Variants in LRP4 observed in about 807,000 individuals in gnomAD.
LRP4 encodes the protein LDL receptor related protein 4, also known as low-density lipoprotein receptor-related protein 4.
Under a neutral mutation model 220.3 loss-of-function variants are expected in LRP4, and 95 were observed. That is an observed-to-expected ratio of 0.43 (90% CI 0.37 to 0.51). LRP4 has a LOEUF of 0.51. Among genes scored for constraint, LRP4 ranks in the 20% least tolerant of loss-of-function variants. The pLI, the probability that LRP4 is intolerant of heterozygous loss-of-function variation, is 0.00. For synonymous variants in LRP4, 903 were observed against 954.6 expected, an observed-to-expected ratio of 0.95 and a Z score of 1.00; for missense variants, 1,925 against 2,567.0, an observed-to-expected ratio of 0.75 and a Z score of 5.40.
chr11:46,917,897 C>G (rs1238735360), intron 1 of LRP4, among the ~76,000 whole-genome samples: 5 of 152,174 alleles, frequency 3.3e-5, no homozygotes, highest in Admixed American at 2.0e-4. Context: ...AGCCCCCAGC[C>G]CCAGGAAGGA....
chr11:46,871,257 A>G lies in LRP4; in HGVS notation c.4692+268T>C, dbSNP rs112957778. On this transcript the variant is annotated intron_variant, in intron 31 of 37. Transcript: ENST00000378623. ...CTATAGTCAGGGCCTAGGAACCTGC[A>G]TTTTAACAAGCACCATATCGGATTC... Among the ~76,000 whole-genome samples the G allele has an allele frequency of 2.8e-3, 421 of 152,230 alleles. 2 individuals are homozygous for G. The highest frequency in any genetic ancestry group is 9.6e-3 in the African/African-American group (399 of 41,522).
chr11:46,864,450 G>A lies in LRP4; in HGVS notation c.5241C>T (p.Tyr1747=). The A allele has an allele frequency of 6.2e-7, 1 of 1,611,106 alleles. No homozygotes were observed. The highest frequency in any genetic ancestry group is 8.5e-7 in the Non-Finnish European group (1 of 1,177,400). The change falls in exon 36 of 38, where the codon TAC becomes TAT. Residue 1747 remains tyrosine, a splice_region_variant and synonymous_variant. Coordinates refer to ENST00000378623, the MANE Select transcript of LRP4 (RefSeq NM_002334.4). ...CCCTGTAGCAAGACTGAAGTTACCT[G>A]TACAGCATCAAAGCTGCAATCACCA... ...ILVVIAALML[Y]RHKKSKFTDP...
chr11:46,861,015 G>T, intron 37 of LRP4: 1 of 940,468 alleles, frequency 1.1e-6, no homozygotes, highest in Non-Finnish European at 1.3e-6. Context: ...CACAACAGAA[G>T]AAAGAGGTCA....
rs952249452 is a variant in LRP4, at chr11:46,873,554, G to T, written c.4269C>A (p.Ile1423=). The change falls in exon 29 of 38, where the codon ATC becomes ATA. Residue 1423 remains isoleucine, a synonymous_variant. Coordinates refer to ENST00000378623, the MANE Select transcript of LRP4 (RefSeq NM_002334.4). The surrounding 1 kb of genome is among the most constrained non-coding windows in gnomAD (Gnocchi z 4.2). ...CGTCAGTGGTCTTCAGCCCTCGCCC[G>T]ATCACTGTCTCCATGTTGCTGCCGT... ...DLNGSNMETV[I]GRGLKTTDGL... is the part of the protein sequence containing the mutation. The T allele has an allele frequency of 1.9e-6, 3 of 1,613,778 alleles. No homozygotes were observed. The highest frequency in any genetic ancestry group is 1.1e-5 in the South Asian group (1 of 91,066).
At chr11:46,865,718 G>T (rs1224205236) in intron 34 of LRP4, among the ~76,000 whole-genome samples, 2 of 152,302 alleles carry the variant, frequency 1.3e-5, no homozygotes, top group African/African-American at 4.8e-5. Flanking sequence ...GCAATCAAAG[G>T]CATCTCCTAA....
At chr11:46,878,440 AT>A (rs1941071124) in intron 22 of LRP4, among the ~76,000 whole-genome samples, 1 of 151,720 alleles carries the variant, frequency 6.6e-6, no homozygotes, top group South Asian at 2.1e-4. Flanking sequence ...TGCCTGGCTA[AT>A]TTTTGTATTT....
At chr11:46,917,861 C>T (rs1460634995) in intron 1 of LRP4, among the ~76,000 whole-genome samples, 1 of 152,110 alleles carries the variant, frequency 6.6e-6, no homozygotes, top group African/African-American at 2.4e-5. Context: ...CAGATTCTAC[C>T]GGGGCCTCTC....
At chr11:46,896,418 C>T in intron 8 of LRP4, 83 bp from the exon 9 acceptor site, 1 of 1,567,808 alleles carries the variant, frequency 6.4e-7, no homozygotes, top group South Asian at 1.1e-5. Flanking sequence ...CTAGGGTAAG[C>T]TGGAGACAGA....
chr11:46,880,769 G>A (rs1442824419), intron 20 of LRP4, among the ~76,000 whole-genome samples: 1 of 151,916 alleles, frequency 6.6e-6, no homozygotes, highest in Non-Finnish European at 1.5e-5. Context: ...AATTGGGCAA[G>A]GACTATGATT....
chr11:46,864,301 C>A, intron 36 of LRP4, 147 bp downstream of exon 36: 2 of 712,828 alleles, frequency 2.8e-6, no homozygotes, highest in Admixed American at 1.9e-5. Flanking sequence ...GGTTTCCACC[C>A]TTTCCTTCTG....
chr11:46,878,313 T>G, intron 22 of LRP4, among the ~76,000 whole-genome samples: 1 of 129,930 alleles, frequency 7.7e-6, no homozygotes, highest in East Asian at 2.5e-4. Context: ...AGAGTCTCAC[T>G]CTGTCACCCA....
chr11:46,901,801 C>A (rs957902404), intron 2 of LRP4, among the ~76,000 whole-genome samples: 7 of 151,976 alleles, frequency 4.6e-5, no homozygotes, highest in Admixed American at 1.3e-4. Flanking sequence ...GGCGCGATCT[C>A]GGCTCACTGC....
Position 46,902,785 on chromosome 11 carries a change from C to T in LRP4, c.197G>A (p.Cys66Tyr). ...ACTGCCTCTGGGGAGGTACTTACTA[C>T]ATCCATCCTCATCGCTGTGGTCCCC... ...DCGDHSDEDG[C>Y]ILPTCSPLDF... Residue 66 changes from cysteine to tyrosine, a missense_variant and splice_region_variant, in exon 2 of 38, where the codon TGT (cysteine) becomes TAT (tyrosine). Physicochemically the swap from Cys to Tyr is radical, Grantham distance 194 (BLOSUM62 -2). Coordinates refer to ENST00000378623, the MANE Select transcript of LRP4 (RefSeq NM_002334.4). 1 of 1,614,094 alleles carries T rather than the reference C, an allele frequency of 6.2e-7. No homozygotes were observed. The highest frequency in any genetic ancestry group is 8.5e-7 in the Non-Finnish European group (1 of 1,180,042).
chr11:46,876,093 C>G, intron 25 of LRP4, 127 bp from the exon 26 acceptor site: 1 of 1,045,442 alleles, frequency 9.6e-7, no homozygotes. Context: ...TTTTGCTTGA[C>G]AAAGTACTTT....
chr11:46,862,737 AT>A lies in LRP4; in HGVS notation c.5253del (p.Lys1751AsnfsTer26). 1 of 1,613,608 alleles carries A rather than the reference AT, an allele frequency of 6.2e-7. No individual in the cohort carries two copies. Among genetic ancestry groups the A allele is most frequent in the Non-Finnish European group, 8.5e-7 (1 of 1,179,914 alleles). ...CCCATTCCAGGATCAGTGAACTTGGATTTTTTGTGTCTTTAGGAGGGAAGGT... is the reference window on the plus strand; with the variant it reads ...CCCATTCCAGGATCAGTGAACTTGGATTTTTGTGTCTTTAGGAGGGAAGGT... Reference protein sequence around the residue: ...IAALMLYRHKKSKFTDPGMGN... With the variant: ...IAALMLYRHKXSKFTDPGMGN... On this transcript the variant is annotated frameshift_variant, in exon 37 of 38. Coordinates refer to ENST00000378623, the MANE Select transcript of LRP4 (RefSeq NM_002334.4). LOFTEE classifies it high-confidence loss of function.
At chr11:46,878,274 C>CTTTTTT (rs71042631) in intron 22 of LRP4, among the ~76,000 whole-genome samples, 2 of 74,980 alleles carry the variant, frequency 2.7e-5, no homozygotes, top group African/African-American at 4.6e-5. Flanking sequence ...TTAGAAGTGT[C>CTTTTTT]TTTTTTTTTT....
At chr11:46,903,485 C>T (rs1446723694) in intron 1 of LRP4, among the ~76,000 whole-genome samples, 2 of 151,936 alleles carry the variant, frequency 1.3e-5, no homozygotes, top group African/African-American at 2.4e-5. Flanking sequence ...CAGAGCAAGA[C>T]CTTGTCTCAA....
At chr11:46,884,928 A>G (rs1941251474) in intron 18 of LRP4, among the ~76,000 whole-genome samples, 1 of 152,072 alleles carries the variant, frequency 6.6e-6, no homozygotes, top group Non-Finnish European at 1.5e-5. Context: ...TAAAAAAGAA[A>G]AAAAAATTCT....
chr11:46,895,408 A>C, intron 10 of LRP4, 117 bp from the exon 11 acceptor site: 2 of 1,424,792 alleles, frequency 1.4e-6, no homozygotes, highest in Non-Finnish European at 2.0e-6. Flanking sequence ...CCTAGTGGGA[A>C]GGCTGTCTAA....
Sources: gnomAD v4.1 joint callset for allele counts (sites outside exome capture counted in the v4.1 genomes callset) on GRCh38, gnomAD v4.1.1 for gene constraint, Gnocchi (gnomAD v3.1) non-coding constraint, MANE v1.5 for transcripts, NCBI Gene and HGNC (gene_info 2026-07-23, HGNC 2026-07-21) for gene names.